ATXN2: variants seen among roughly 807,000 people sequenced by gnomAD.
The protein encoded by ATXN2 is ataxin 2.
A neutral mutation model predicts 138.6 loss-of-function variants in ATXN2; 37 were observed. The ratio of observed to expected loss-of-function variants is 0.27; its 90% CI spans 0.21 to 0.35. The LOEUF (loss-of-function observed/expected upper bound fraction) is 0.35, where lower values mean the gene tolerates loss of function less well. ATXN2 is among the 10% of genes least tolerant of loss of function. The probability of loss-of-function intolerance (pLI) is 1.00; values close to 1 mark genes in which losing one functional copy is unlikely to be tolerated. For synonymous variants in ATXN2, 549 were observed against 543.7 expected (o/e 1.01, Z -0.13); for missense variants, 1,216 against 1,480.3 (o/e 0.82, Z 2.93).
intron 9 of ATXN2, among the ~76,000 whole-genome samples, chr12:111,517,851 C>T (rs1180860579): frequency 6.6e-6 from 1 of 152,038 alleles, no homozygotes; most frequent in Non-Finnish European, 1.5e-5. Context: ...TCTATATTAA[C>T]CACAGTGTTG....
chr12:111,524,591 C>T (rs1404476014), intron 6 of ATXN2, among the ~76,000 whole-genome samples: 1 of 152,122 alleles, frequency 6.6e-6, no homozygotes, highest in Non-Finnish European at 1.5e-5. Flanking sequence ...CCAGCATACC[C>T]AGCTAAGCAC....
intron 17 of ATXN2, 48 bp downstream of exon 17, chr12:111,485,665 A>T (rs1017138716): frequency 6.2e-7 from 1 of 1,604,546 alleles, no homozygotes. Flanking sequence ...TTGGTGTCAG[A>T]TACAAACAAT....
intron 11 of ATXN2, 70 bp from the exon 12 acceptor site, chr12:111,510,652 C>A (rs1000671056): frequency 8.2e-5 from 113 of 1,385,844 alleles, no homozygotes; most frequent in Non-Finnish European, 1.0e-4. Flanking sequence ...AGGCTTCAGG[C>A]TTCTCTGAAG....
intron 16 of ATXN2, 152 bp from the exon 17 acceptor site, chr12:111,486,017 T>G (rs934611573): frequency 2.9e-5 from 19 of 655,872 alleles, no homozygotes; most frequent in Non-Finnish European, 4.3e-5. Context: ...AATTTTCACA[T>G]TTCAATAAAA....
chr12:111,512,417 T>G (rs1879589714), intron 11 of ATXN2: 1 of 152,546 alleles, frequency 6.6e-6, no homozygotes, highest in Non-Finnish European at 1.5e-5. Context: ...CAGTCAGCCT[T>G]ATTGTAAAAT....
chr12:111,454,133 T>C, intron 23 of ATXN2: 1 of 269,072 alleles, frequency 3.7e-6, no homozygotes, highest in East Asian at 7.0e-5. Context: ...TTGTATTCTA[T>C]GTATGGGGTA....
At chr12:111,491,459 G>C (rs2135706000) in intron 14 of ATXN2, among the ~76,000 whole-genome samples, 1 of 152,250 alleles carries the variant, frequency 6.6e-6, no homozygotes, top group East Asian at 1.9e-4. Context: ...GGGAGTGCTT[G>C]TGCCAGCCTT....
chr12:111,488,558 C>G lies in ATXN2; in HGVS notation c.2158G>C (p.Val720Leu), dbSNP rs754830890. 2 of 1,614,042 alleles carry G rather than the reference C, an allele frequency of 1.2e-6. No individual in the cohort carries two copies. The highest frequency in any genetic ancestry group is 2.7e-5 in the African/African-American group (2 of 74,922). ...SNTEHKRGPEVTSQGVQTSSP... is the reference protein window; with the variant it reads ...SNTEHKRGPELTSQGVQTSSP... Reference sequence around the variant, plus strand: ...GAAGTCTGAACCCCTTGGGAAGTGACCTCAGGTCCCCTCTTGTGCTCCGTG... The same window carrying G: ...GAAGTCTGAACCCCTTGGGAAGTGAGCTCAGGTCCCCTCTTGTGCTCCGTG... The change falls in exon 15 of 25, where the codon GTC (valine) becomes CTC (leucine). Residue 720 changes from valine (V) to leucine (L), a missense_variant. Transcript: ENST00000673436.
intron 14 of ATXN2, among the ~76,000 whole-genome samples, chr12:111,492,521 A>C (rs1878103672): frequency 6.6e-6 from 1 of 152,152 alleles, no homozygotes; most frequent in African/African-American, 2.4e-5. Context: ...ATATTTACTA[A>C]AAATACAAAA....
At chr12:111,536,693 A>G (rs896483148) in intron 5 of ATXN2, among the ~76,000 whole-genome samples, 9 of 151,982 alleles carry the variant, frequency 5.9e-5, no homozygotes, top group African/African-American at 2.2e-4. Context: ...CGAGCCAGCA[A>G]TTATCTTGCA....
At position 111,598,213 on chromosome 12, in the gene ATXN2, G is replaced by C; in HGVS notation, c.251+571C>G. On this transcript the variant is annotated intron_variant, in intron 1 of 24. Transcript: ENST00000673436. The surrounding 1 kb of genome is among the most constrained non-coding windows in gnomAD (Gnocchi z 4.5). ...CGTCCTCCGATCTTTCCCAGGACTCGGAGGGGGCGGGGAGAGAGCCCCGAC... is the reference window on the plus strand; with the variant it reads ...CGTCCTCCGATCTTTCCCAGGACTCCGAGGGGGCGGGGAGAGAGCCCCGAC... 4.8e-6 allele frequency: 5 copies of C among 1,051,000 alleles called. No individual in the cohort carries two copies. The highest frequency in any genetic ancestry group is 5.8e-6 in the Non-Finnish European group (5 of 867,446). 65.1% of individuals were successfully genotyped at this position (1,051,000 alleles called of 1,614,324 possible). A position where few individuals can be genotyped will look rare whatever the true frequency, so the allele number is the denominator to read the frequency against.
intron 10 of ATXN2, among the ~76,000 whole-genome samples, chr12:111,514,409 G>C (rs1465962863): frequency 2.6e-5 from 4 of 152,202 alleles, no homozygotes; most frequent in African/African-American, 4.8e-5. Flanking sequence ...AAGCCTACTG[G>C]TGTTAACACC....
At chr12:111,501,307 T>A (rs956654077) in intron 14 of ATXN2, among the ~76,000 whole-genome samples, 1 of 151,932 alleles carries the variant, frequency 6.6e-6, no homozygotes, top group Admixed American at 6.6e-5. Context: ...TAAGATGGCA[T>A]CCTCTACAAA....
At chr12:111,479,185 C>A in intron 18 of ATXN2, 1 of 372,880 alleles carries the variant, frequency 2.7e-6, no homozygotes, top group South Asian at 1.3e-4. Context: ...GGCAATAACT[C>A]AAATGCCCAT....
intron 1 of ATXN2, among the ~76,000 whole-genome samples, chr12:111,563,299 A>G (rs936316639): frequency 6.6e-6 from 1 of 152,136 alleles, no homozygotes; most frequent in Non-Finnish European, 1.5e-5. Flanking sequence ...TGTAGAATAT[A>G]TGTGTGTATA....
At chr12:111,572,228 C>G (rs904174060) in intron 1 of ATXN2, among the ~76,000 whole-genome samples, 5 of 151,912 alleles carry the variant, frequency 3.3e-5, no homozygotes, top group African/African-American at 1.2e-4. Context: ...GGTGAAACCC[C>G]CATCTCTACT....
At position 111,566,151 on chromosome 12, in the gene ATXN2, G is replaced by A. The variant is rs759948068; in HGVS notation, c.252-10232C>T. Among the ~76,000 whole-genome samples the A allele has an allele frequency of 2.6e-5, 4 of 152,186 alleles. No individual in the cohort carries two copies. In the East Asian group the frequency reaches 5.8e-4, roughly 22 times the overall value. On this transcript the variant is annotated intron_variant, in intron 1 of 24. Coordinates refer to ENST00000673436, the MANE Select transcript of ATXN2 (RefSeq NM_001372574.1). ...TTAAGCCATTTTATTTAAGAAATACGGCCGGGCGCGGTGGCTCACGCCTGT... is the reference window on the plus strand; with the variant it reads ...TTAAGCCATTTTATTTAAGAAATACAGCCGGGCGCGGTGGCTCACGCCTGT...
intron 1 of ATXN2, among the ~76,000 whole-genome samples, chr12:111,560,626 T>C (rs371750072): frequency 8.5e-5 from 13 of 152,118 alleles, no homozygotes; most frequent in South Asian, 4.1e-4. Context: ...GGAAGAAGGA[T>C]AGAACACTAA....
At position 111,518,288 on chromosome 12, in the gene ATXN2, T is replaced by G. The variant is rs1432570221; in HGVS notation, c.1126A>C (p.Asn376His). 1.2e-6 allele frequency: 2 copies of G among 1,610,756 alleles called. No individual in the cohort carries two copies. The highest frequency in any genetic ancestry group is 4.5e-5 in the East Asian group (2 of 44,820). ...SRSTSHTSDF[N>H]PNSGSDQRVV... ...CTTTGGTCTGAACCAGAATTCGGGT[T>G]GAAATCTGAAGTGTGAGAAGTGGAT... The change falls in exon 9 of 25, where the codon AAC becomes CAC. Residue 376 changes from asparagine (N) to histidine (H), a missense_variant. This residue lies in a region of ATXN2 where 401 missense variants were observed against 528.1 expected (regional missense o/e 0.76). Transcript: ENST00000673436.
Sources: allele counts gnomAD v4.1 joint callset (sites outside exome capture counted in the v4.1 genomes callset), GRCh38; gene constraint gnomAD v4.1.1; regional missense constraint gnomAD v4.1.1; non-coding constraint Gnocchi (gnomAD v3.1); transcripts MANE v1.5; gene names NCBI Gene and HGNC (gene_info 2026-07-23, HGNC 2026-07-21).